Variants in DGKB observed in about 807,000 individuals in gnomAD.
DGKB encodes 90 kDa diacylglycerol kinase.
In DGKB, 67 loss-of-function variants were observed where a neutral mutation model predicts 114.3. The ratio of observed to expected loss-of-function variants is 0.59; its 90% confidence interval spans 0.48 to 0.72. The LOEUF is 0.72. Among genes scored for constraint, DGKB ranks in the 30% least tolerant of loss-of-function variants. The pLI, the probability that DGKB is intolerant of heterozygous loss-of-function variation, is 0.00. For synonymous variants in DGKB, 398 were observed against 323.1 expected (o/e 1.23, Z -2.49); for missense variants, 907 against 975.2 (o/e 0.93, Z 0.93).
chr7:14,698,052 C>G (rs1245686338), intron 8 of DGKB, 43 bp downstream of exon 8: 1 of 989,578 alleles, frequency 1.0e-6, no homozygotes, highest in East Asian at 2.8e-5. Context: ...AAGAAAGAGG[C>G]CTTCCAGAAT....
intron 17 of DGKB, among the ~76,000 whole-genome samples, chr7:14,592,724 T>TTA (rs1162002885): frequency 5.9e-5 from 9 of 151,858 alleles, no homozygotes; most frequent in Admixed American, 4.0e-4. Flanking sequence ...TTTCACTCTA[T>TTA]TATATATATT....
intron 21 of DGKB, among the ~76,000 whole-genome samples, chr7:14,407,803 TGAG>T (rs561619857): frequency 2.7e-4 from 41 of 152,134 alleles, no homozygotes; most frequent in Non-Finnish European, 5.3e-4. Flanking sequence ...CAGTGGACTT[TGAG>T]ACTCTTGGCA....
In DGKB at chr7:14,632,283, A is replaced by T. The variant is rs1013404665; in HGVS notation, c.1135-2015T>A. On this transcript the variant is annotated intron_variant, in intron 13 of 25. Coordinates refer to ENST00000402815, the MANE Select transcript of DGKB (RefSeq NM_001350709.2). Reference sequence around the variant, plus strand: ...TAATTTTCTTAGGTGAGAGTATAATAATGTCATTAGGTAGAAAATTGTCCT... The same window carrying T: ...TAATTTTCTTAGGTGAGAGTATAATTATGTCATTAGGTAGAAAATTGTCCT... Among the ~76,000 whole-genome samples the T allele has an allele frequency of 3.9e-5, 6 of 152,016 alleles. No individual in the cohort carries two copies. In the East Asian group the frequency reaches 1.2e-3, roughly 29 times the overall value.
At chr7:14,788,378 T>G (rs770406732) in intron 2 of DGKB, among the ~76,000 whole-genome samples, 3 of 152,248 alleles carry the variant, frequency 2.0e-5, no homozygotes, top group African/African-American at 7.2e-5. Flanking sequence ...TGTGTTTTCA[T>G]GCTTTGACAT....
intron 2 of DGKB, among the ~76,000 whole-genome samples, chr7:14,781,631 C>T (rs1055970050): frequency 4.6e-5 from 7 of 152,148 alleles, no homozygotes; most frequent in African/African-American, 1.7e-4. Flanking sequence ...AGAAATTACT[C>T]AGAGACTTGT....
chr7:14,852,940 A>G (rs999050969), intron 1 of DGKB, among the ~76,000 whole-genome samples: 2 of 152,228 alleles, frequency 1.3e-5, no homozygotes, highest in African/African-American at 4.8e-5. Flanking sequence ...GTATTGAATT[A>G]GGAATTCATG....
intron 2 of DGKB, among the ~76,000 whole-genome samples, chr7:14,811,601 G>A (rs1022031994): frequency 6.6e-6 from 1 of 152,004 alleles, no homozygotes; most frequent in Non-Finnish European, 1.5e-5. Flanking sequence ...CATGGAAATG[G>A]AAAAATGAGT....
chr7:14,571,065 A>G (rs908588052), intron 20 of DGKB, among the ~76,000 whole-genome samples: 1 of 152,198 alleles, frequency 6.6e-6, no homozygotes, highest in African/African-American at 2.4e-5. Context: ...AGTCATGACA[A>G]TCAAGCAGAC....
intron 23 of DGKB, among the ~76,000 whole-genome samples, chr7:14,193,366 T>C (rs1784581417): frequency 6.6e-6 from 1 of 151,888 alleles, no homozygotes; most frequent in Non-Finnish European, 1.5e-5. Context: ...ACTAATAGAA[T>C]AGAATGGAGA....
intron 20 of DGKB, among the ~76,000 whole-genome samples, chr7:14,567,959 A>C (rs1340553089): frequency 6.6e-6 from 1 of 151,920 alleles, no homozygotes; most frequent in Non-Finnish European, 1.5e-5. Context: ...TGAAAAAAAT[A>C]AGTGCTTAGT....
intron 23 of DGKB, among the ~76,000 whole-genome samples, chr7:14,320,089 A>G (rs560967480): frequency 6.6e-6 from 1 of 152,332 alleles, no homozygotes; most frequent in African/African-American, 2.4e-5. Flanking sequence ...TAAACTATTC[A>G]AGAACTCTCA....
At chr7:14,286,344 G>A (rs1800869850) in intron 23 of DGKB, among the ~76,000 whole-genome samples, 1 of 152,102 alleles carries the variant, frequency 6.6e-6, no homozygotes, top group African/African-American at 2.4e-5. Context: ...AGCTTCACAT[G>A]TTAGCATGGT....
chr7:14,183,377 G>C (rs1380960229), intron 23 of DGKB, among the ~76,000 whole-genome samples: 1 of 152,114 alleles, frequency 6.6e-6, no homozygotes, highest in East Asian at 1.9e-4. Flanking sequence ...TTTAAAAGGG[G>C]GTGGGTAGGA....
intron 6 of DGKB, among the ~76,000 whole-genome samples, chr7:14,704,378 G>T (rs1318163398): frequency 6.7e-6 from 1 of 150,132 alleles, no homozygotes; most frequent in African/African-American, 2.5e-5. Context: ...AACCAGGGAG[G>T]CGGAGCTTGC....
intron 20 of DGKB, among the ~76,000 whole-genome samples, chr7:14,544,131 C>T (rs1311327057): frequency 6.6e-6 from 1 of 152,048 alleles, no homozygotes; most frequent in Non-Finnish European, 1.5e-5. Flanking sequence ...ATTTGATATG[C>T]AAAAATTGCA....
chr7:14,380,009 A>G (rs892638133), intron 21 of DGKB, among the ~76,000 whole-genome samples: 3 of 152,182 alleles, frequency 2.0e-5, no homozygotes, highest in African/African-American at 7.2e-5. Context: ...TGGTTTTGGT[A>G]ATTGTAAAGT....
intron 17 of DGKB, among the ~76,000 whole-genome samples, chr7:14,585,171 A>C (rs1800550482): frequency 6.6e-6 from 1 of 152,122 alleles, no homozygotes; most frequent in Admixed American, 6.6e-5. Flanking sequence ...CATTTATTAT[A>C]TTGTGGATAT....
chr7:14,254,143 C>G (rs1296731044), intron 23 of DGKB, among the ~76,000 whole-genome samples: 3 of 152,148 alleles, frequency 2.0e-5, no homozygotes, highest in East Asian at 3.8e-4. Flanking sequence ...TCTAGAGGAA[C>G]AAGTAGCTTT....
intron 5 of DGKB, among the ~76,000 whole-genome samples, chr7:14,732,697 T>A (rs1444892102): frequency 6.6e-6 from 1 of 152,188 alleles, no homozygotes; most frequent in African/African-American, 2.4e-5. Flanking sequence ...CATATTCCTT[T>A]CATGTAGTCT....
Sources: allele counts gnomAD v4.1 joint callset (sites outside exome capture counted in the v4.1 genomes callset), GRCh38; gene constraint gnomAD v4.1.1; transcripts MANE v1.5; gene names NCBI Gene and HGNC (gene_info 2026-07-23, HGNC 2026-07-21).